The following PTGS1 variants were observed in gnomAD, a reference collection of about 807,000 sequenced individuals.
The protein encoded by PTGS1 is prostaglandin-endoperoxide synthase 1, also known as prostaglandin G/H synthase 1.
In PTGS1, 40 loss-of-function variants were observed where a neutral mutation model predicts 63.0. The observed-to-expected ratio is 0.63, with a 90% CI of 0.49 to 0.83. The LOEUF is 0.83. Ranked by LOEUF, PTGS1 falls within the 40% of genes least tolerant of loss-of-function variation. PTGS1 has a pLI of 0.00. For synonymous variants in PTGS1, 298 were observed against 301.9 expected (o/e 0.99, Z 0.13); for missense variants, 709 against 786.5 (o/e 0.90, Z 1.18).
upstream of PTGS1, chr9:122,370,972 C>A: frequency 4.4e-6 from 5 of 1,139,100 alleles, no homozygotes; most frequent in Non-Finnish European, 5.5e-6. Flanking sequence ...GAGGGAGGAG[C>A]GGGGGTGGAG....
intron 3 of PTGS1, 141 bp from the exon 4 acceptor site, chr9:122,378,292 C>A: frequency 1.6e-6 from 2 of 1,221,586 alleles, no homozygotes; most frequent in Non-Finnish European, 1.2e-6. Context: ...TCATTGCTCC[C>A]AAGGTTCCAT....
Position 122,374,330 on chromosome 9 carries a change from C to T in PTGS1, c.94+3058C>T, listed in dbSNP as rs1438212070. On this transcript the variant is annotated intron_variant, in intron 2 of 10. Transcript: ENST00000362012. ...CTCTACCCAGAGTAGAGGGCCTGGA[C>T]GTCGAAAGGAAGGCCTCCTTTAGCC... Among the ~76,000 whole-genome samples, 6 of 152,010 alleles carry T rather than the reference C, an allele frequency of 3.9e-5. No individual in the cohort carries two copies. The East Asian group carries it at 5.8e-4, about 15-fold the overall frequency.
At chr9:122,392,056 C>A in intron 10 of PTGS1, 133 bp from the exon 11 acceptor site, 1 of 714,970 alleles carries the variant, frequency 1.4e-6, no homozygotes, top group Non-Finnish European at 2.2e-6. Context: ...AGGGCACATG[C>A]TCAGTTGCTC....
rs4836884 is a variant in PTGS1 at position 122,383,715 on chromosome 9, C to G, written c.969C>G (p.Gly323=). 27 of 1,613,532 alleles carry G rather than the reference C, an allele frequency of 1.7e-5. No individual in the cohort carries two copies. Among genetic ancestry groups the G allele is most frequent in the Non-Finnish European group, 2.3e-5 (27 of 1,180,000 alleles). ...TGAAGGCTGAGCACCCCACCTGGGG[C>G]GATGAGCAGCTTTTCCAGACGACCC... ...DLLKAEHPTW[G]DEQLFQTTRL... Residue 323 remains glycine (G), a synonymous_variant, in exon 8 of 11, where the codon GGC becomes GGG. Transcript: ENST00000362012.
intron 5 of PTGS1, 136 bp downstream of exon 5, chr9:122,379,054 C>T (rs1429788833): frequency 1.0e-5 from 13 of 1,253,780 alleles, no homozygotes; most frequent in South Asian, 1.5e-5. Context: ...ATGACATGTC[C>T]AGAGCCTGGG....
Position 122,385,204 on chromosome 9 carries a change from C to T in PTGS1, c.1010-1242C>T, listed in dbSNP as rs551247188. On this transcript the variant is annotated intron_variant, in intron 8 of 10. Coordinates refer to ENST00000362012, the MANE Select transcript of PTGS1 (RefSeq NM_000962.4). ...AACTGCTGACCTCAGGTGATCCACC[C>T]GCCTTGGCATCCCAAAGTTCTGGGT... 5.9e-5 allele frequency among the ~76,000 whole-genome samples: 9 copies of T among 152,296 alleles called. No individual in the cohort carries two copies. In the East Asian group the frequency reaches 1.5e-3, roughly 26 times the overall value.
At chr9:122,378,141 T>A in intron 3 of PTGS1, 126 bp downstream of exon 3, 1 of 997,574 alleles carries the variant, frequency 1.0e-6, no homozygotes, top group Non-Finnish European at 1.5e-6. Flanking sequence ...CCTTGCCTGG[T>A]TCTGCCCCTC....
chr9:122,371,141 G>A, intron 1 of PTGS1, 45 bp from the exon 2 acceptor site: 1 of 1,607,308 alleles, frequency 6.2e-7, no homozygotes. Context: ...CCTCCTGGTG[G>A]AGCCTTGAAT....
rs551732729 is a variant in PTGS1 at position 122,373,680 on chromosome 9, A to T, written c.94+2408A>T. On this transcript the variant is annotated intron_variant, in intron 2 of 10. Transcript: ENST00000362012. ...CATGGGGCAAGATGCCAGCTGTGCC[A>T]AGGCTGCCCGGGTGCCTGCACCTGC... 1.5e-4 allele frequency among the ~76,000 whole-genome samples: 23 copies of T among 152,322 alleles called. No homozygotes were observed. In the East Asian group the frequency reaches 4.4e-3, roughly 29 times the overall value.
At chr9:122,390,723 C>A (rs1838170542) in intron 10 of PTGS1, among the ~76,000 whole-genome samples, 1 of 152,072 alleles carries the variant, frequency 6.6e-6, no homozygotes, top group African/African-American at 2.4e-5. Flanking sequence ...CGATGAAACC[C>A]CGTCTCTACT....
In PTGS1 at chr9:122,371,055, C is replaced by G; in HGVS notation, c.-30C>G. 5.0e-6 allele frequency: 8 copies of G among 1,585,522 alleles called. No individual in the cohort carries two copies. Among genetic ancestry groups the G allele is most frequent in the Non-Finnish European group, 6.8e-6 (8 of 1,173,240 alleles). ...CGAGGCGCACGCACAGGAGCCTGCA[C>G]TCTGCGTCCCGCACCCCAGCAGCCG... On this transcript the variant is annotated 5_prime_UTR_variant, in exon 1 of 11. Transcript: ENST00000362012.
intron 2 of PTGS1, chr9:122,375,546 A>G (rs1307572143): frequency 3.0e-5 from 28 of 928,558 alleles, no homozygotes; most frequent in Admixed American, 1.2e-4. Context: ...AACTGTGTGC[A>G]TAGCCTGTGC....
intron 2 of PTGS1, among the ~76,000 whole-genome samples, chr9:122,377,532 C>A (rs950970113): frequency 6.7e-6 from 1 of 148,744 alleles, no homozygotes; most frequent in Non-Finnish European, 1.5e-5. Context: ...GAAGTGAACG[C>A]TCTAGAAGCC....
upstream of PTGS1, chr9:122,370,659 C>T (rs554495574): frequency 3.1e-5 from 10 of 318,106 alleles, no homozygotes; most frequent in African/African-American, 1.2e-4. Context: ...CTGTAGAGTG[C>T]GTTAGACCCA....
intron 5 of PTGS1, 35 bp from the exon 6 acceptor site, chr9:122,381,336 G>T: frequency 6.2e-7 from 1 of 1,604,040 alleles, no homozygotes; most frequent in South Asian, 1.1e-5. Flanking sequence ...GATCCAGATA[G>T]GAGAAGCTAC....
At chr9:122,385,372 C>T (rs1470688948) in intron 8 of PTGS1, among the ~76,000 whole-genome samples, 1 of 151,988 alleles carries the variant, frequency 6.6e-6, no homozygotes, top group Non-Finnish European at 1.5e-5. Flanking sequence ...GATTTGAATC[C>T]AGGTCTGCTG....
chr9:122,377,849 G>T (rs201829226), intron 2 of PTGS1, 50 bp from the exon 3 acceptor site: 88 of 1,529,612 alleles, frequency 5.8e-5, no homozygotes, highest in East Asian at 3.4e-4. Context: ...CTAGATGGGG[G>T]TCAGGAGGCC....
At chr9:122,384,474 A>T (rs1445654797) in intron 8 of PTGS1, among the ~76,000 whole-genome samples, 1 of 152,140 alleles carries the variant, frequency 6.6e-6, no homozygotes, top group Non-Finnish European at 1.5e-5. Context: ...TAGAGGGAAG[A>T]GGGGCTGGTT....
At chr9:122,387,846 G>T (rs1025846147) in intron 9 of PTGS1, among the ~76,000 whole-genome samples, 1 of 152,182 alleles carries the variant, frequency 6.6e-6, no homozygotes, top group Non-Finnish European at 1.5e-5. Flanking sequence ...CTGCTTCATC[G>T]CAGTCTCTGG....
Sources: gnomAD v4.1 joint callset for allele counts (sites outside exome capture counted in the v4.1 genomes callset) on GRCh38, gnomAD v4.1.1 for gene constraint, MANE v1.5 for transcripts, NCBI Gene and HGNC (gene_info 2026-07-23, HGNC 2026-07-21) for gene names.